IMMP2L: variants seen among roughly 807,000 people sequenced by gnomAD.
IMMP2L encodes the protein mitochondrial inner membrane protease subunit 2.
IMMP2L carries 18 observed loss-of-function variants against 19.3 expected under a neutral mutation model. The ratio of observed to expected loss-of-function variants is 0.93; its 90% CI spans 0.64 to 1.38. The LOEUF is 1.38. Ranked by LOEUF, IMMP2L falls within the 40% of genes most tolerant of loss-of-function variation. The pLI is 0.00. For synonymous variants in IMMP2L, 76 were observed against 73.0 expected (o/e 1.04, Z -0.21); for missense variants, 233 against 218.2 (o/e 1.07, Z -0.43).
At chr7:111,378,432 C>T (rs1830892216) in intron 3 of IMMP2L, among the ~76,000 whole-genome samples, 1 of 151,824 alleles carries the variant, frequency 6.6e-6, no homozygotes, top group Admixed American at 6.6e-5. Context: ...CAAAAATGTT[C>T]ATGACTTTTA....
intron 3 of IMMP2L, among the ~76,000 whole-genome samples, chr7:111,261,053 T>A (rs994375528): frequency 6.6e-6 from 1 of 152,140 alleles, no homozygotes; most frequent in Non-Finnish European, 1.5e-5. Context: ...CCTTCTCTAG[T>A]TAACACGTAA....
At chr7:111,503,410 A>C (rs1209214754) in intron 2 of IMMP2L, among the ~76,000 whole-genome samples, 1 of 152,176 alleles carries the variant, frequency 6.6e-6, no homozygotes, top group Non-Finnish European at 1.5e-5. Flanking sequence ...AGCTGGTACC[A>C]TTCCTTCTGA....
chr7:110,847,532 C>A (rs1805791282), intron 5 of IMMP2L, among the ~76,000 whole-genome samples: 1 of 152,114 alleles, frequency 6.6e-6, no homozygotes, highest in South Asian at 2.1e-4. Flanking sequence ...TAACCTCAAT[C>A]AAAAGCAAGT....
At chr7:110,707,078 A>G (rs1237503204) in intron 5 of IMMP2L, among the ~76,000 whole-genome samples, 2 of 97,592 alleles carry the variant, frequency 2.0e-5, no homozygotes, top group African/African-American at 8.3e-5. Flanking sequence ...GTATGTATAC[A>G]TGTGCCATGC....
At chr7:110,948,323 T>C (rs1469041985) in intron 4 of IMMP2L, among the ~76,000 whole-genome samples, 6 of 152,220 alleles carry the variant, frequency 3.9e-5, no homozygotes, top group African/African-American at 1.4e-4. Context: ...ATTACATACA[T>C]AGGTATCACT....
intron 5 of IMMP2L, among the ~76,000 whole-genome samples, chr7:110,780,302 G>A (rs1420561154): frequency 6.6e-6 from 1 of 150,712 alleles, no homozygotes; most frequent in Non-Finnish European, 1.5e-5. Context: ...CTATATACTA[G>A]ATAGAAAAAG....
At chr7:110,664,305 C>A (rs375847721) in intron 5 of IMMP2L, among the ~76,000 whole-genome samples, 1 of 151,806 alleles carries the variant, frequency 6.6e-6, no homozygotes. Context: ...AGGTGTGAGA[C>A]TGGGTGGGCT....
intron 3 of IMMP2L, among the ~76,000 whole-genome samples, chr7:111,070,062 A>C (rs1030481578): frequency 1.3e-5 from 2 of 152,206 alleles, no homozygotes; most frequent in African/African-American, 4.8e-5. Flanking sequence ...ACAGGTTGGA[A>C]GGAAAACAGT....
chr7:111,551,472 G>C (rs1849446624), intron 1 of IMMP2L, among the ~76,000 whole-genome samples: 2 of 147,276 alleles, frequency 1.4e-5, no homozygotes, highest in South Asian at 4.4e-4. Flanking sequence ...AGTATGTTAG[G>C]TATGTTAGGT....
At chr7:111,097,593 CAA>C (rs1244728822) in intron 3 of IMMP2L, among the ~76,000 whole-genome samples, 1 of 151,202 alleles carries the variant, frequency 6.6e-6, no homozygotes. Flanking sequence ...GGAAAAAAAA[CAA>C]AAAAATGTTA....
intron 3 of IMMP2L, among the ~76,000 whole-genome samples, chr7:111,421,565 C>A (rs1345501054): frequency 6.6e-6 from 1 of 151,448 alleles, no homozygotes; most frequent in Admixed American, 6.6e-5. Flanking sequence ...CCACCGCGCC[C>A]GGCCTGTTTT....
At chr7:110,668,592 T>C (rs1057109223) in intron 5 of IMMP2L, among the ~76,000 whole-genome samples, 1 of 152,212 alleles carries the variant, frequency 6.6e-6, no homozygotes, top group African/African-American at 2.4e-5. Flanking sequence ...TTCAATTTTT[T>C]TTAAATCAAC....
chr7:110,764,930 G>T (rs895218331), intron 5 of IMMP2L, among the ~76,000 whole-genome samples: 3 of 152,002 alleles, frequency 2.0e-5, no homozygotes, highest in African/African-American at 7.2e-5. Context: ...GTGGTTTCTT[G>T]TATTGATCGA....
chr7:110,689,840 AT>A (rs932434271), intron 5 of IMMP2L, among the ~76,000 whole-genome samples: 3 of 151,982 alleles, frequency 2.0e-5, no homozygotes, highest in African/African-American at 7.2e-5. Context: ...ATTTGTACTT[AT>A]TTTTGCCAGG....
intron 3 of IMMP2L, among the ~76,000 whole-genome samples, chr7:111,095,282 A>G (rs1302102282): frequency 6.6e-6 from 1 of 152,022 alleles, no homozygotes; most frequent in African/African-American, 2.4e-5. Flanking sequence ...GTAATACATT[A>G]TACTTTGTAT....
At chr7:110,690,299 T>A in intron 5 of IMMP2L, among the ~76,000 whole-genome samples, 1 of 152,226 alleles carries the variant, frequency 6.6e-6, no homozygotes, top group East Asian at 1.9e-4. Context: ...TTCATCTTTG[T>A]ATTTTGTTCA....
intron 5 of IMMP2L, among the ~76,000 whole-genome samples, chr7:110,798,710 T>C (rs1438354314): frequency 6.6e-6 from 1 of 151,930 alleles, no homozygotes; most frequent in East Asian, 1.9e-4. Context: ...CAATTGAACA[T>C]TATATTTATT....
intron 3 of IMMP2L, among the ~76,000 whole-genome samples, chr7:111,367,116 T>C (rs1049925248): frequency 1.3e-5 from 2 of 151,726 alleles, no homozygotes; most frequent in African/African-American, 2.4e-5. Flanking sequence ...GCTGACAGTG[T>C]TCTCGGTGAC....
At chr7:110,929,645 G>T (rs1241420562) in intron 4 of IMMP2L, among the ~76,000 whole-genome samples, 1 of 152,100 alleles carries the variant, frequency 6.6e-6, no homozygotes, top group East Asian at 1.9e-4. Flanking sequence ...TTGACTTTTT[G>T]AACCTAACTT....
Sources: allele counts gnomAD v4.1 joint callset (sites outside exome capture counted in the v4.1 genomes callset), GRCh38; gene constraint gnomAD v4.1.1; transcripts MANE v1.5; gene names NCBI Gene and HGNC (gene_info 2026-07-23, HGNC 2026-07-21).